The following CNOT1 variants were observed in gnomAD, a reference collection of about 807,000 sequenced individuals.
CNOT1 encodes CCR4-associated factor 1.
CNOT1 carries 15 observed loss-of-function variants against 273.8 expected under a neutral mutation model. That is an observed-to-expected ratio of 0.05 (90% CI 0.04 to 0.08). CNOT1 has a LOEUF of 0.08. Among genes scored for constraint, CNOT1 ranks in the 10% least tolerant of loss-of-function variants. The pLI, the probability that CNOT1 is intolerant of heterozygous loss-of-function variation, is 1.00. For synonymous variants in CNOT1, 1,022 were observed against 1,005.5 expected, an observed-to-expected ratio of 1.02 and a Z score of -0.31; for missense variants, 1,644 against 2,912.2, an observed-to-expected ratio of 0.56 and a Z score of 10.02.
chr16:58,547,629 C>T lies in CNOT1; in HGVS notation c.3576G>A (p.Leu1192=). ...TTCCTAGCCAATGTCCCAAGTTCTT[C>T]AGCAAAGAACGATCTGAGAAATTGG... ...AAANFSDRSL[L]KNLGHWLGMI... The change falls in exon 26 of 49, where the codon CTG becomes CTA. Residue 1192 remains leucine (L), a synonymous_variant. Coordinates refer to ENST00000317147, the MANE Select transcript of CNOT1 (RefSeq NM_016284.5). This position sits in a 1 kb window ranked among gnomAD's most constrained non-coding sequence, Gnocchi z 4.0. The T allele has an allele frequency of 1.2e-6, 2 of 1,613,818 alleles. No individual in the cohort carries two copies. The highest frequency in any genetic ancestry group is 1.1e-5 in the South Asian group (1 of 91,068).
At chr16:58,574,855 ATAAG>A (rs2041405536) in intron 15 of CNOT1, 95 bp from the exon 16 acceptor site, 1 of 1,561,918 alleles carries the variant, frequency 6.4e-7, no homozygotes, top group Non-Finnish European at 8.6e-7. Context: ...AAAATCCAAA[ATAAG>A]TAACATCTTC....
chr16:58,572,996 GA>G (rs888551691), intron 16 of CNOT1, among the ~76,000 whole-genome samples: 2 of 151,218 alleles, frequency 1.3e-5, no homozygotes, highest in Non-Finnish European at 3.0e-5. Context: ...CACTGAAAAT[GA>G]AAAAATATCA....
At chr16:58,569,348 C>T (rs1007452978) in intron 16 of CNOT1, among the ~76,000 whole-genome samples, 1 of 152,138 alleles carries the variant, frequency 6.6e-6, no homozygotes, top group African/African-American at 2.4e-5. Flanking sequence ...TCTCAAACTC[C>T]TGATCTCAAG....
rs1385419095 is a variant in CNOT1, at chr16:58,521,043, G to A, written c.7053-7C>T. ...TGCGACCGACTGGAATAACCTGAAGGATGAAGACAGTTACAAATCTCTGAT... is the reference window on the plus strand; with the variant it reads ...TGCGACCGACTGGAATAACCTGAAGAATGAAGACAGTTACAAATCTCTGAT... On this transcript the variant is annotated splice_polypyrimidine_tract_variant and splice_region_variant and intron_variant, in intron 48 of 48. Coordinates refer to ENST00000317147, the MANE Select transcript of CNOT1 (RefSeq NM_016284.5). The A allele has an allele frequency of 1.9e-6, 3 of 1,613,950 alleles. No individual in the cohort carries two copies. Among genetic ancestry groups the A allele is most frequent in the Non-Finnish European group, 2.5e-6 (3 of 1,180,054 alleles).
At chr16:58,529,644 C>T (rs2039708568) in intron 43 of CNOT1, among the ~76,000 whole-genome samples, 2 of 151,646 alleles carry the variant, frequency 1.3e-5, no homozygotes, top group African/African-American at 4.8e-5. Context: ...TTGAGACGAG[C>T]GTAGCCAATG....
At chr16:58,606,563 G>A (rs111439265) in intron 1 of CNOT1, among the ~76,000 whole-genome samples, 6,707 of 152,196 alleles carry the variant, frequency 0.044, 456 homozygotes, top group African/African-American at 0.15. Context: ...AGCACTTTAG[G>A]AGGCCGAGAC....
chr16:58,587,771 A>T lies in CNOT1; in HGVS notation c.309+9T>A. On this transcript the variant is annotated intron_variant, in intron 4 of 48. Transcript: ENST00000317147. ...AGATCACACTCTTAAAGATAATAGT[A>T]ATACCAACCTTCTGATAGTGCAATG... The T allele has an allele frequency of 6.2e-7, 1 of 1,613,016 alleles. No individual in the cohort carries two copies. Among genetic ancestry groups the T allele is most frequent in the Non-Finnish European group, 8.5e-7 (1 of 1,179,704 alleles).
chr16:58,528,414 T>C, intron 44 of CNOT1, 61 bp downstream of exon 44: 3 of 1,199,964 alleles, frequency 2.5e-6, no homozygotes, highest in Non-Finnish European at 3.7e-6. Flanking sequence ...ACAGTCTACT[T>C]ATCAGAGAAA....
At chr16:58,609,838 G>C (rs1597591668) in intron 1 of CNOT1, among the ~76,000 whole-genome samples, 1 of 149,936 alleles carries the variant, frequency 6.7e-6, no homozygotes, top group Admixed American at 6.8e-5. Flanking sequence ...GGATCACTTA[G>C]GGTGATATAT....
intron 2 of CNOT1, among the ~76,000 whole-genome samples, chr16:58,596,270 G>A (rs778084553): frequency 1.0e-4 from 7 of 68,158 alleles, no homozygotes; most frequent in African/African-American, 1.5e-4. Context: ...ACTTCTGGCT[G>A]CAGCATCCAG....
chr16:58,556,504 C>T (rs936051031), intron 19 of CNOT1, among the ~76,000 whole-genome samples: 1 of 152,158 alleles, frequency 6.6e-6, no homozygotes, highest in Non-Finnish European at 1.5e-5. Flanking sequence ...AAACAGAAAT[C>T]TGAAATTGTC....
In CNOT1 at chr16:58,531,942, T is replaced by C. The variant is rs1156796485; in HGVS notation, c.6177+16A>G. ...AGTTATAGTCTTCATCTACAGGAGA[T>C]AAACTGCAGCCACACCTTCTGCTGT... On this transcript the variant is annotated intron_variant, in intron 42 of 48. Coordinates refer to ENST00000317147, the MANE Select transcript of CNOT1 (RefSeq NM_016284.5). The C allele has an allele frequency of 6.2e-7, 1 of 1,613,836 alleles. No homozygotes were observed. Among genetic ancestry groups the C allele is most frequent in the South Asian group, 1.1e-5 (1 of 91,036 alleles).
Position 58,599,511 on chromosome 16 carries a change from C to T in CNOT1, c.-174G>A. 1.4e-6 allele frequency: 1 copy of T among 705,960 alleles called. No individual in the cohort carries two copies. The highest frequency in any genetic ancestry group is 2.2e-6 in the Non-Finnish European group (1 of 459,034). 43.7% of individuals were successfully genotyped at this position (705,960 alleles called of 1,614,324 possible). On this transcript the variant is annotated splice_region_variant and 5_prime_UTR_variant, in exon 2 of 49. In the 5' UTR this introduces an upstream ATG that the reference lacks. Transcript: ENST00000317147. Reference sequence around the variant, plus strand: ...TCTTACTCTGTTCTGAAACATGGCACCTGTTTAAAAAAACACACACACACA... The same window carrying T: ...TCTTACTCTGTTCTGAAACATGGCATCTGTTTAAAAAAACACACACACACA...
At chr16:58,569,668 G>A (rs2041196363) in intron 16 of CNOT1, among the ~76,000 whole-genome samples, 1 of 143,526 alleles carries the variant, frequency 7.0e-6, no homozygotes. Context: ...TTCATTTGAA[G>A]ATAGATCAAT....
intron 1 of CNOT1, among the ~76,000 whole-genome samples, chr16:58,605,894 G>T (rs2042658882): frequency 6.6e-6 from 1 of 152,024 alleles, no homozygotes; most frequent in Non-Finnish European, 1.5e-5. Context: ...GGGGCTCAGC[G>T]ATCCCTCTGC....
intron 16 of CNOT1, among the ~76,000 whole-genome samples, chr16:58,561,842 T>C (rs555647156): frequency 2.0e-5 from 3 of 152,198 alleles, no homozygotes; most frequent in Non-Finnish European, 4.4e-5. Context: ...ATACTCAATC[T>C]GTATTGCCTC....
At chr16:58,532,648 G>A in intron 40 of CNOT1, 1 of 486,796 alleles carries the variant, frequency 2.1e-6, no homozygotes, top group Non-Finnish European at 3.4e-6. Flanking sequence ...AATGCCCAAT[G>A]GTTCTTCTTC....
chr16:58,546,363 C>T lies in CNOT1; in HGVS notation c.3964G>A (p.Asp1322Asn). Residue 1322 changes from aspartate (D) to asparagine (N), a missense_variant, in exon 29 of 49, where the codon GAT becomes AAT. Physicochemically the swap from Asp to Asn is conservative, Grantham distance 23. Coordinates refer to ENST00000317147, the MANE Select transcript of CNOT1 (RefSeq NM_016284.5). The stretch of plus-strand genomic sequence containing the variant: ...GGGAGTTCTTCTGGCTGCTTGACAT[C>T]TTTCTTTGGAGCAGAGAGTTGCTCA... ...LDEQLSAPKKDVKQPEELPPI... is the reference protein window; with the variant it reads ...LDEQLSAPKKNVKQPEELPPI... The T allele has an allele frequency of 6.2e-7, 1 of 1,613,876 alleles. No individual in the cohort carries two copies. Among genetic ancestry groups the T allele is most frequent in the Non-Finnish European group, 8.5e-7 (1 of 1,179,904 alleles).
At position 58,525,531 on chromosome 16, in the gene CNOT1, G is replaced by C. The variant is rs1335919680; in HGVS notation, c.6604-172C>G. 1.8e-5 allele frequency: 11 copies of C among 620,996 alleles called. No individual in the cohort carries two copies. In the East Asian group the frequency reaches 3.1e-4, roughly 17 times the overall value. The allele number at this position is 620,996 out of a possible 1,614,324, so 38.5% of individuals were successfully genotyped here. A position where few individuals can be genotyped will look rare whatever the true frequency, so the allele number is the denominator to read the frequency against. ...CAAACACACAGATGCTCCAAAGGTG[G>C]TTGTATCAATAAGAGAAATGTGATT... On this transcript the variant is annotated intron_variant, in intron 45 of 48. Transcript: ENST00000317147.
Sources: gnomAD v4.1 joint callset for allele counts (sites outside exome capture counted in the v4.1 genomes callset) on GRCh38, gnomAD v4.1.1 for gene constraint, Gnocchi (gnomAD v3.1) non-coding constraint, MANE v1.5 for transcripts, NCBI Gene and HGNC (gene_info 2026-07-23, HGNC 2026-07-21) for gene names.